The following CCDC88A variants were observed in gnomAD, a reference collection of about 807,000 sequenced individuals.
The protein encoded by CCDC88A is coiled-coil and HOOK domain protein 88A, also known as girdin.
Under a neutral mutation model 234.3 loss-of-function variants are expected in CCDC88A, and 54 were observed. The ratio of observed to expected loss-of-function variants is 0.23; its 90% CI spans 0.19 to 0.29. The LOEUF is 0.29. CCDC88A is among the 10% of genes least tolerant of loss of function. The pLI, the probability that CCDC88A is intolerant of heterozygous loss-of-function variation, is 1.00. For synonymous variants in CCDC88A, 753 were observed against 737.8 expected, an observed-to-expected ratio of 1.02 and a Z score of -0.33; for missense variants, 1,832 against 2,123.4, an observed-to-expected ratio of 0.86 and a Z score of 2.70.
At chr2:55,333,047 T>C (rs770901536) in intron 15 of CCDC88A, among the ~76,000 whole-genome samples, 63 of 152,188 alleles carry the variant, frequency 4.1e-4, no homozygotes, top group Non-Finnish European at 7.9e-4. Flanking sequence ...TTGACTATAA[T>C]ACTTCTCTCC....
chr2:55,411,309 A>G (rs1680444874), intron 2 of CCDC88A, among the ~76,000 whole-genome samples: 1 of 152,086 alleles, frequency 6.6e-6, no homozygotes, highest in South Asian at 2.1e-4. Context: ...TTAAGAGAAA[A>G]TTTTCAGTTA....
In CCDC88A at chr2:55,288,495, G is replaced by A. The variant is rs1332544847; in HGVS notation, c.*2705C>T. ...TTCATTTCCTGACATAAACCATTAA[G>A]ACAGCACAGGCTGTAGTACTTCATT... On this transcript the variant is annotated 3_prime_UTR_variant, in exon 33 of 33. Transcript: ENST00000436346. The A allele has an allele frequency of 6.6e-6, 1 of 152,596 alleles. No individual in the cohort carries two copies. Among genetic ancestry groups the A allele is most frequent in the Non-Finnish European group, 1.5e-5 (1 of 68,032 alleles). 9.5% of individuals were successfully genotyped at this position (152,596 alleles called of 1,614,324 possible).
At position 55,398,406 on chromosome 2, in the gene CCDC88A, G is replaced by C. The variant is rs564917746; in HGVS notation, c.165-9520C>G. ...TATTACTATAAACTATCTGTACTTA[G>C]AGCCCAGGATAACCATTAAGCACTC... On this transcript the variant is annotated intron_variant, in intron 2 of 32. Coordinates refer to ENST00000436346, the MANE Select transcript of CCDC88A (RefSeq NM_001365480.1). Among the ~76,000 whole-genome samples the C allele has an allele frequency of 3.9e-5, 6 of 152,152 alleles. No individual in the cohort carries two copies. The South Asian group carries it at 6.2e-4, about 16-fold the overall frequency.
At chr2:55,384,055 A>G (rs1675051403) in intron 3 of CCDC88A, among the ~76,000 whole-genome samples, 2 of 151,892 alleles carry the variant, frequency 1.3e-5, no homozygotes, top group Admixed American at 6.6e-5. Context: ...ATTAAAAAAT[A>G]TAGCATAGTG....
At chr2:55,394,618 T>A (rs1025671759) in intron 2 of CCDC88A, 1 of 123,598 alleles carries the variant, frequency 8.1e-6, no homozygotes, top group African/African-American at 3.2e-5. Flanking sequence ...TGAGAACACA[T>A]GGACACAGGA....
intron 5 of CCDC88A, among the ~76,000 whole-genome samples, chr2:55,366,153 G>A (rs1055574219): frequency 3.3e-5 from 5 of 152,036 alleles, no homozygotes; most frequent in African/African-American, 1.2e-4. Flanking sequence ...ACTATCATGG[G>A]CACTAAAATT....
intron 13 of CCDC88A, among the ~76,000 whole-genome samples, chr2:55,337,891 G>A (rs973551605): frequency 3.3e-5 from 5 of 151,944 alleles, no homozygotes; most frequent in Admixed American, 2.0e-4. Context: ...AATATGAAAA[G>A]CATCAGGTCA....
chr2:55,389,068 C>A (rs1014345375), intron 2 of CCDC88A, among the ~76,000 whole-genome samples, 182 bp from the exon 3 acceptor site: 35 of 152,248 alleles, frequency 2.3e-4, no homozygotes, highest in African/African-American at 8.2e-4. Flanking sequence ...CTAATTAATA[C>A]AAATGCAACT....
intron 6 of CCDC88A, among the ~76,000 whole-genome samples, chr2:55,363,414 C>T (rs1036923205): frequency 6.6e-6 from 1 of 151,894 alleles, no homozygotes; most frequent in African/African-American, 2.4e-5. Context: ...GACATAGAAA[C>T]AGCAGCTTTT....
intron 7 of CCDC88A, among the ~76,000 whole-genome samples, chr2:55,360,639 T>A (rs771225758): frequency 2.2e-4 from 34 of 152,238 alleles, no homozygotes; most frequent in Non-Finnish European, 4.6e-4. Context: ...TCATTCTATA[T>A]AGTATTTCAT....
Position 55,301,911 on chromosome 2 carries a change from A to G in CCDC88A, c.4633T>C (p.Ser1545Pro), listed in dbSNP as rs767858393. The G allele has an allele frequency of 1.2e-6, 2 of 1,614,202 alleles. No homozygotes were observed. Among genetic ancestry groups the G allele is most frequent in the African/African-American group, 1.3e-5 (1 of 75,056 alleles). Reference sequence around the variant, plus strand: ...AACTGCTTGGATCTGAAGCCTGCAGAAGAGTTGACAGTTGAAAAGTTGATG... The same window carrying G: ...AACTGCTTGGATCTGAAGCCTGCAGGAGAGTTGACAGTTGAAAAGTTGATG... Reference protein sequence around the residue: ...TAINFSTVNSSAGFRSKQLVN... With the variant: ...TAINFSTVNSPAGFRSKQLVN... The change falls in exon 27 of 33, where the codon TCT becomes CCT. Residue 1545 changes from serine (S) to proline (P), a missense_variant. This residue lies in a region of CCDC88A where 422 missense variants were observed against 416.5 expected (regional missense o/e 1.01). Coordinates refer to ENST00000436346, the MANE Select transcript of CCDC88A (RefSeq NM_001365480.1).
Position 55,355,746 on chromosome 2 carries a change from G to A in CCDC88A, c.633C>T (p.Ile211=). Residue 211 remains isoleucine (I), a synonymous_variant, in exon 8 of 33, where the codon ATC becomes ATT. Coordinates refer to ENST00000436346, the MANE Select transcript of CCDC88A (RefSeq NM_001365480.1). ...CATCCCGCTCTTCAGAGAGTTCTAT[G>A]ATAGTCTAGAAATACACACAGAATC... ...IDERDEHSET[I]IELSEERDGL... The A allele has an allele frequency of 6.2e-7, 1 of 1,609,796 alleles. No individual in the cohort carries two copies. Among genetic ancestry groups the A allele is most frequent in the Non-Finnish European group, 8.5e-7 (1 of 1,176,382 alleles).
chr2:55,375,419 C>G (rs938255706), intron 3 of CCDC88A, among the ~76,000 whole-genome samples: 38 of 147,682 alleles, frequency 2.6e-4, no homozygotes, highest in Middle Eastern at 3.6e-3. Flanking sequence ...CTTGTTAGTT[C>G]TCACTGAGGA....
At chr2:55,342,039 T>C (rs985674283) in intron 12 of CCDC88A, among the ~76,000 whole-genome samples, 4 of 152,148 alleles carry the variant, frequency 2.6e-5, no homozygotes, top group Non-Finnish European at 4.4e-5. Flanking sequence ...ACCTATTCCA[T>C]AGAAACTTGA....
Position 55,419,435 on chromosome 2 carries a change from C to A in CCDC88A, c.-356G>T, listed in dbSNP as rs892259395. The A allele has an allele frequency of 1.2e-5, 3 of 256,698 alleles. No homozygotes were observed. Among genetic ancestry groups the A allele is most frequent in the Non-Finnish European group, 2.3e-5 (3 of 131,734 alleles). The allele number at this position is 256,698 out of a possible 1,614,324, so 15.9% of individuals were successfully genotyped here. On this transcript the variant is annotated 5_prime_UTR_variant, in exon 1 of 33. Coordinates refer to ENST00000436346, the MANE Select transcript of CCDC88A (RefSeq NM_001365480.1). ...TTGTCCAGCTCCTGGAGGATCCAGA[C>A]CAGCGAAACTGCTCCCAATGAATCA...
Position 55,332,427 on chromosome 2 carries a change from A to AC in CCDC88A, c.2855+138dup, listed in dbSNP as rs1685029676. On this transcript the variant is annotated intron_variant, in intron 16 of 32. Coordinates refer to ENST00000436346, the MANE Select transcript of CCDC88A (RefSeq NM_001365480.1). This position sits in a 1 kb window ranked among gnomAD's most constrained non-coding sequence, Gnocchi z 4.5. Reference sequence around the variant, plus strand: ...GTGAGCCACCGCACCCGGCTACAGAACTTTCCTTAAGGGAAGGAAGGAACC... The same window carrying AC: ...GTGAGCCACCGCACCCGGCTACAGAACCTTTCCTTAAGGGAAGGAAGGAACC... The AC allele has an allele frequency of 1.5e-6, 2 of 1,350,574 alleles. No homozygotes were observed. Among genetic ancestry groups the AC allele is most frequent in the Admixed American group, 3.0e-5 (1 of 32,954 alleles). The allele number at this position is 1,350,574 out of a possible 1,614,324, so 83.7% of individuals were successfully genotyped here.
Position 55,289,197 on chromosome 2 carries a change from C to T in CCDC88A, c.*2003G>A, listed in dbSNP as rs916604519. ...GGAGAGGTCAAGCTGTAATGTCATTCGCCCTCATTGGGCTACATCACCACC... is the reference window on the plus strand; with the variant it reads ...GGAGAGGTCAAGCTGTAATGTCATTTGCCCTCATTGGGCTACATCACCACC... On this transcript the variant is annotated 3_prime_UTR_variant, in exon 33 of 33. Coordinates refer to ENST00000436346, the MANE Select transcript of CCDC88A (RefSeq NM_001365480.1). 5.2e-5 allele frequency: 8 copies of T among 152,594 alleles called. No homozygotes were observed. The highest frequency in any genetic ancestry group is 1.4e-4 in the African/African-American group (6 of 41,444). The allele number at this position is 152,594 out of a possible 1,614,324, so 9.5% of individuals were successfully genotyped here.
intron 12 of CCDC88A, among the ~76,000 whole-genome samples, chr2:55,340,755 C>T (rs1668372025): frequency 6.6e-6 from 1 of 152,070 alleles, no homozygotes; most frequent in African/African-American, 2.4e-5. Context: ...TTCATTATCC[C>T]TTTATAAATT....
chr2:55,414,629 T>C (rs972530828), intron 2 of CCDC88A, among the ~76,000 whole-genome samples: 1 of 152,218 alleles, frequency 6.6e-6, no homozygotes, highest in African/African-American at 2.4e-5. Flanking sequence ...GACTTCAAAA[T>C]TGTGAGGCAG....
Sources: gnomAD v4.1 joint callset for allele counts (sites outside exome capture counted in the v4.1 genomes callset) on GRCh38, gnomAD v4.1.1 for gene constraint, gnomAD v4.1.1 regional missense constraint, Gnocchi (gnomAD v3.1) non-coding constraint, MANE v1.5 for transcripts, NCBI Gene and HGNC (gene_info 2026-07-23, HGNC 2026-07-21) for gene names.